RAD54B: variants seen among roughly 807,000 people sequenced by gnomAD.
RAD54B encodes the protein RAD54 homolog B, also known as DNA repair and recombination protein RAD54B.
Under a neutral mutation model 95.8 loss-of-function variants are expected in RAD54B, and 78 were observed. The ratio of observed to expected loss-of-function variants is 0.81; its 90% CI spans 0.68 to 0.98. RAD54B has a LOEUF of 0.98. Ranked by LOEUF, RAD54B falls within the 50% of genes least tolerant of loss-of-function variation. The probability of loss-of-function intolerance (pLI) is 0.00; values close to 1 mark genes in which losing one functional copy is unlikely to be tolerated. For synonymous variants in RAD54B, 328 were observed against 354.9 expected (o/e 0.92, Z 0.85); for missense variants, 957 against 1,056.6 (o/e 0.91, Z 1.31).
At chr8:94,389,870 A>G (rs1810974045) in intron 10 of RAD54B, among the ~76,000 whole-genome samples, 1 of 152,224 alleles carries the variant, frequency 6.6e-6, no homozygotes, top group African/African-American at 2.4e-5. Flanking sequence ...GCAACAATGG[A>G]GAAACACTCA....
intron 3 of RAD54B, among the ~76,000 whole-genome samples, chr8:94,443,449 A>ATCC (rs1427893384): frequency 1.3e-5 from 2 of 152,104 alleles, no homozygotes; most frequent in South Asian, 2.1e-4. Context: ...TATCCTGCAT[A>ATCC]TGTACCCCTG....
chr8:94,404,271 A>AG (rs1811332378), intron 5 of RAD54B, 32 bp from the exon 6 acceptor site: 2 of 1,518,242 alleles, frequency 1.3e-6, no homozygotes, highest in Non-Finnish European at 8.9e-7. Context: ...AAGTATTGTA[A>AG]TTTCACTTTT....
At chr8:94,451,792 A>G (rs1472607392) in intron 3 of RAD54B, among the ~76,000 whole-genome samples, 1 of 152,240 alleles carries the variant, frequency 6.6e-6, no homozygotes, top group Non-Finnish European at 1.5e-5. Context: ...GCAAAGACTA[A>G]GAAAACGTTC....
intron 1 of RAD54B, among the ~76,000 whole-genome samples, chr8:94,471,229 T>C (rs1000939829): frequency 6.7e-6 from 1 of 149,088 alleles, no homozygotes; most frequent in Non-Finnish European, 1.5e-5. Flanking sequence ...ACAGAAGAGG[T>C]TCAGTATTTG....
intron 2 of RAD54B, among the ~76,000 whole-genome samples, chr8:94,466,395 C>T (rs1813024407): frequency 6.6e-6 from 1 of 151,704 alleles, no homozygotes. Flanking sequence ...ATTAAGACTG[C>T]TTCCAGTATT....
At position 94,391,548 on chromosome 8, in the gene RAD54B, T is replaced by C. The variant is rs866242880; in HGVS notation, c.1809+61A>G. On this transcript the variant is annotated intron_variant, in intron 10 of 14. Coordinates refer to ENST00000336148, the MANE Select transcript of RAD54B (RefSeq NM_012415.3). ...CAGAAATTAGCCCTGTCTGCCCTCT[T>C]AGATTCATATACTATAGAACCCTCA... 1.0e-4 allele frequency: 156 copies of C among 1,507,130 alleles called. No homozygotes were observed. In the Middle Eastern group the frequency reaches 1.8e-3, roughly 17 times the overall value. The allele number at this position is 1,507,130 out of a possible 1,614,324, so 93.4% of individuals were successfully genotyped here.
intron 3 of RAD54B, among the ~76,000 whole-genome samples, chr8:94,445,801 G>T (rs1812507051): frequency 6.6e-6 from 1 of 151,930 alleles, no homozygotes; most frequent in Non-Finnish European, 1.5e-5. Context: ...AAAGCTCTGG[G>T]ATCACAGGCA....
chr8:94,431,970 T>C, intron 3 of RAD54B: 1 of 1,300,822 alleles, frequency 7.7e-7, no homozygotes, highest in Non-Finnish European at 9.8e-7. Context: ...TAAATTTTAA[T>C]ATCTCAAAAG....
intron 1 of RAD54B, among the ~76,000 whole-genome samples, chr8:94,471,260 AT>A (rs1361272040): frequency 8.9e-6 from 1 of 112,710 alleles, no homozygotes; most frequent in East Asian, 2.9e-4. Flanking sequence ...GATACCATTA[AT>A]GGGTGGCGGG....
At chr8:94,395,015 G>A (rs1044546952) in intron 8 of RAD54B, among the ~76,000 whole-genome samples, 2 of 151,992 alleles carry the variant, frequency 1.3e-5, no homozygotes, top group African/African-American at 4.8e-5. Context: ...CATTTATGTT[G>A]GTATATATTC....
At chr8:94,432,371 C>CT (rs1812123625) in intron 3 of RAD54B, 1 of 1,550,256 alleles carries the variant, frequency 6.5e-7, no homozygotes, top group African/African-American at 1.4e-5. Context: ...GTTCACCACT[C>CT]TCATGCCGAA....
intron 3 of RAD54B, among the ~76,000 whole-genome samples, chr8:94,415,730 A>C (rs1187750150): frequency 6.8e-6 from 1 of 147,258 alleles, no homozygotes; most frequent in African/African-American, 2.5e-5. Context: ...CACTTCTCAA[A>C]AGAAGACATT....
rs906940892 is a variant in RAD54B at position 94,378,387 on chromosome 8, A to G, written c.2315-7T>C. The stretch of plus-strand genomic sequence containing the variant: ...ATCTTTTCTTCTATTGTACCTAAAG[A>G]GAAAACATTAATTAGATTTCCTTCA... On this transcript the variant is annotated splice_region_variant and splice_polypyrimidine_tract_variant and intron_variant, in intron 13 of 14. Coordinates refer to ENST00000336148, the MANE Select transcript of RAD54B (RefSeq NM_012415.3). 6.2e-7 allele frequency: 1 copy of G among 1,604,472 alleles called. No individual in the cohort carries two copies.
At chr8:94,459,431 G>C (rs983066836) in intron 2 of RAD54B, among the ~76,000 whole-genome samples, 4 of 151,800 alleles carry the variant, frequency 2.6e-5, no homozygotes, top group Non-Finnish European at 5.9e-5. Context: ...GATTACAGGG[G>C]TGAGCCACCA....
intron 5 of RAD54B, among the ~76,000 whole-genome samples, chr8:94,406,772 G>C (rs926274212): frequency 6.6e-6 from 1 of 152,082 alleles, no homozygotes; most frequent in African/African-American, 2.4e-5. Flanking sequence ...ACTATACTTT[G>C]ATTCGGATTA....
intron 8 of RAD54B, among the ~76,000 whole-genome samples, chr8:94,395,461 C>A (rs1232262664): frequency 6.6e-6 from 1 of 152,130 alleles, no homozygotes; most frequent in Non-Finnish European, 1.5e-5. Flanking sequence ...GCTGCTTACC[C>A]CTAAATCAGT....
chr8:94,429,795 T>G (rs772316467), intron 3 of RAD54B: 28 of 985,260 alleles, frequency 2.8e-5, no homozygotes, highest in Non-Finnish European at 3.0e-5. Context: ...AAACACCCTC[T>G]TTTTAATCCA....
intron 3 of RAD54B, among the ~76,000 whole-genome samples, chr8:94,413,954 G>A (rs765458830): frequency 2.6e-5 from 4 of 151,068 alleles, no homozygotes; most frequent in Non-Finnish European, 5.9e-5. Context: ...TCCTGCCTCA[G>A]CCTCCCACGT....
rs1282343506 is a variant in RAD54B at position 94,372,022 on chromosome 8, CCACTCAATTTTG to C, written c.*136_*147del. 2 of 1,308,408 alleles carry C rather than the reference CCACTCAATTTTG, an allele frequency of 1.5e-6. No homozygotes were observed. The highest frequency in any genetic ancestry group is 3.0e-5 in the African/African-American group (2 of 66,502). The allele number at this position is 1,308,408 out of a possible 1,614,324, so 81.0% of individuals were successfully genotyped here. A position where few individuals can be genotyped will look rare whatever the true frequency, so the allele number is the denominator to read the frequency against. ...CACTTAATATTTACAAAACATTAAA[CCACTCAATTTTG>C]ACTATTGTATCAAAAGTGATATATT... On this transcript the variant is annotated 3_prime_UTR_variant, in exon 15 of 15. Coordinates refer to ENST00000336148, the MANE Select transcript of RAD54B (RefSeq NM_012415.3).
Sources: gnomAD v4.1 joint callset for allele counts (sites outside exome capture counted in the v4.1 genomes callset) on GRCh38, gnomAD v4.1.1 for gene constraint, MANE v1.5 for transcripts, NCBI Gene and HGNC (gene_info 2026-07-23, HGNC 2026-07-21) for gene names.